The following ANPEP variants were observed in gnomAD, a reference collection of about 807,000 sequenced individuals.
ANPEP encodes the protein aminopeptidase N.
ANPEP carries 70 observed loss-of-function variants against 114.6 expected under a neutral mutation model. The observed-to-expected ratio is 0.61, with a 90% confidence interval of 0.50 to 0.75. ANPEP has a LOEUF of 0.75. Ranked by LOEUF, ANPEP falls within the 30% of genes least tolerant of loss-of-function variation. The pLI is 0.00. For missense variants in ANPEP, 1,184 were observed against 1,259.5 expected (o/e 0.94, Z 0.91); for synonymous variants, 548 against 522.3 (o/e 1.05, Z -0.67).
Position 89,793,206 on chromosome 15 carries a change from G to A in ANPEP, c.2158-80C>T. 3.0e-6 allele frequency: 4 copies of A among 1,312,586 alleles called. No homozygotes were observed. The South Asian group carries it at 4.9e-5, about 16-fold the overall frequency. 81.3% of individuals were successfully genotyped at this position (1,312,586 alleles called of 1,614,324 possible). A position where few individuals can be genotyped will look rare whatever the true frequency, so the allele number is the denominator to read the frequency against. On this transcript the variant is annotated intron_variant, in intron 15 of 20. Coordinates refer to ENST00000300060, the MANE Select transcript of ANPEP (RefSeq NM_001150.3). ...GCCCCACAGAGCCTCTGATGTTGGG[G>A]GGCAGGCGCTGGCAGAGACGTCAGA...
chr15:89,792,449 C>A lies in ANPEP; in HGVS notation c.2360+3G>T. 1 of 1,614,030 alleles carries A rather than the reference C, an allele frequency of 6.2e-7. No homozygotes were observed. The highest frequency in any genetic ancestry group is 8.5e-7 in the Non-Finnish European group (1 of 1,179,932). On this transcript the variant is annotated splice_donor_region_variant and intron_variant, in intron 17 of 20. Transcript: ENST00000300060. ...GCAGAGGAGGCGCAGGGGAGACACTCACGGGTTATTATTGGGGTTCTCCAT... is the reference window on the plus strand; with the variant it reads ...GCAGAGGAGGCGCAGGGGAGACACTAACGGGTTATTATTGGGGTTCTCCAT...
rs1046979527 is a variant in ANPEP, at chr15:89,813,994, G to T, written c.-224+778C>A. 1.8e-4 allele frequency among the ~76,000 whole-genome samples: 26 copies of T among 146,102 alleles called. 2 individuals carry two copies. The highest frequency in any genetic ancestry group is 6.5e-4 in the South Asian group (3 of 4,590). ...CCGTCCCTGCCCACCGCACTGCTGG[G>T]GGGGGGGGGTGCGTTCTGGAGTCAT... On this transcript the variant is annotated intron_variant, in intron 1 of 20. Coordinates refer to ENST00000300060, the MANE Select transcript of ANPEP (RefSeq NM_001150.3).
chr15:89,814,349 G>T (rs1321872719), intron 1 of ANPEP, among the ~76,000 whole-genome samples: 1 of 152,166 alleles, frequency 6.6e-6, no homozygotes, highest in South Asian at 2.1e-4. Flanking sequence ...CCCCACAGGC[G>T]GGCCGGGTTC....
chr15:89,807,921 G>A (rs1023282372), intron 1 of ANPEP, among the ~76,000 whole-genome samples: 6 of 152,054 alleles, frequency 3.9e-5, no homozygotes, highest in African/African-American at 1.2e-4. Context: ...TTCCCCCATC[G>A]CAAGATGCAC....
At chr15:89,791,145 G>A (rs1324261721) in intron 18 of ANPEP, 52 bp from the exon 19 acceptor site, 34 of 1,600,858 alleles carry the variant, frequency 2.1e-5, no homozygotes, top group Non-Finnish European at 2.6e-5. Flanking sequence ...TGACTCAGGA[G>A]AGAACTTGGA....
At chr15:89,792,421 C>G (rs1394549668) in intron 17 of ANPEP, 31 bp downstream of exon 17, 1 of 1,613,442 alleles carries the variant, frequency 6.2e-7, no homozygotes. Flanking sequence ...CAGATGAAGA[C>G]TGGCAGAGGA....
chr15:89,793,266 A>G lies in ANPEP; in HGVS notation c.2158-140T>C, dbSNP rs1053520136. 4 of 660,744 alleles carry G rather than the reference A, an allele frequency of 6.1e-6. No individual in the cohort carries two copies. In the East Asian group the frequency reaches 7.9e-5, roughly 13 times the overall value. The allele number at this position is 660,744 out of a possible 1,614,324, so 40.9% of individuals were successfully genotyped here. ...CTCACCTGAGGCCAAACAGTGCTCA[A>G]AGGGGCCCATAGAAGTCTAGAGTTC... On this transcript the variant is annotated intron_variant, in intron 15 of 20. Coordinates refer to ENST00000300060, the MANE Select transcript of ANPEP (RefSeq NM_001150.3).
Position 89,799,555 on chromosome 15 carries a change from C to T in ANPEP, c.1824G>A (p.Gln608=), listed in dbSNP as rs745851142. The change falls in exon 13 of 21, where the codon CAG becomes CAA. Residue 608 remains glutamine, a synonymous_variant. Coordinates refer to ENST00000300060, the MANE Select transcript of ANPEP (RefSeq NM_001150.3). This position sits in a 1 kb window ranked among gnomAD's most constrained non-coding sequence, Gnocchi z 4.2. ...QDYWLIDVRA[Q]NDLFSTSGNE... Reference sequence around the variant, plus strand: ...TGCCTGATGTGCTGAAGAGATCGTTCTGGGCTGTGGAGAGGGACGAGACCT... The same window carrying T: ...TGCCTGATGTGCTGAAGAGATCGTTTTGGGCTGTGGAGAGGGACGAGACCT... The T allele has an allele frequency of 4.9e-5, 79 of 1,614,080 alleles. No homozygotes were observed. Among genetic ancestry groups the T allele is most frequent in the Non-Finnish European group, 6.7e-5 (79 of 1,180,048 alleles).
chr15:89,805,514 G>A (rs1419856975), intron 2 of ANPEP, 51 bp from the exon 3 acceptor site: 1 of 1,604,298 alleles, frequency 6.2e-7, no homozygotes, highest in Non-Finnish European at 8.5e-7. Flanking sequence ...GGTGTGGGAG[G>A]GGCTCTGAGG....
At chr15:89,807,314 T>C (rs1314587337) in intron 1 of ANPEP, among the ~76,000 whole-genome samples, 1 of 152,202 alleles carries the variant, frequency 6.6e-6, no homozygotes, top group East Asian at 1.9e-4. Flanking sequence ...TCTGAACCTC[T>C]CTCCTCATAA....
chr15:89,792,012 A>G (rs28569158), intron 18 of ANPEP, 148 bp downstream of exon 18: 331,759 of 926,292 alleles, frequency 0.36, 61,573 homozygotes, highest in African/African-American at 0.42. Flanking sequence ...TAAAGCTTCC[A>G]GTCTGCACCG....
At chr15:89,805,033 GC>G in intron 4 of ANPEP, 44 bp downstream of exon 4, 1 of 1,612,174 alleles carries the variant, frequency 6.2e-7, no homozygotes, top group Admixed American at 1.7e-5. Flanking sequence ...GACCCCTCAA[GC>G]CGGGGCCAGC....
In ANPEP at chr15:89,804,349, G is replaced by A. The variant is rs758340434; in HGVS notation, c.1083C>T (p.Thr361=). 1.7e-5 allele frequency: 28 copies of A among 1,614,092 alleles called. No individual in the cohort carries two copies. The highest frequency in any genetic ancestry group is 1.9e-5 in the Non-Finnish European group (23 of 1,180,032). The change falls in exon 6 of 21, where the codon ACC becomes ACT. Residue 361 remains threonine, a synonymous_variant. Transcript: ENST00000300060. ...AGAMENWGLV[T]YRENSLLFDP... Reference sequence around the variant, plus strand: ...CGAACAGCAGGGAGTTCTCCCGGTAGGTCACCAGTCCCCAGTTCTCCATGG... The same window carrying A: ...CGAACAGCAGGGAGTTCTCCCGGTAAGTCACCAGTCCCCAGTTCTCCATGG...
chr15:89,789,555 T>G (rs1388616378), intron 20 of ANPEP, among the ~76,000 whole-genome samples: 1 of 150,618 alleles, frequency 6.6e-6, no homozygotes, highest in East Asian at 2.0e-4. Context: ...GGTGGATCAC[T>G]TGAGGTCAGG....
At chr15:89,801,870 G>A (rs963166743) in intron 10 of ANPEP, among the ~76,000 whole-genome samples, 1 of 152,242 alleles carries the variant, frequency 6.6e-6, no homozygotes, top group Non-Finnish European at 1.5e-5. Context: ...GTGTATGTCA[G>A]GGAGGGGGTG....
chr15:89,799,432 G>T lies in ANPEP; in HGVS notation c.1947C>A (p.Asp649Glu). Residue 649 changes from aspartate to glutamate, a missense_variant, in exon 13 of 21, where the codon GAC becomes GAA. By Grantham distance (45) the Asp-to-Glu change is conservative. Coordinates refer to ENST00000300060, the MANE Select transcript of ANPEP (RefSeq NM_001150.3). The surrounding 1 kb of genome is among the most constrained non-coding windows in gnomAD (Gnocchi z 4.2). Reference protein sequence around the residue: ...WRKIQTQLQRDHSAIPVINRA... With the variant: ...WRKIQTQLQREHSAIPVINRA... ...AGGGGTGGCAGACACTCACCGAGTGGTCTCTCTGCAGCTGAGTCTGAATCT... is the reference window on the plus strand; with the variant it reads ...AGGGGTGGCAGACACTCACCGAGTGTTCTCTCTGCAGCTGAGTCTGAATCT... The T allele has an allele frequency of 6.2e-7, 1 of 1,614,192 alleles. No homozygotes were observed.
rs1894583602 is a variant in ANPEP, at chr15:89,801,281, G to T, written c.1743-94C>A. The T allele has an allele frequency of 1.8e-5, 28 of 1,551,196 alleles. 1 individual carries two copies. Among genetic ancestry groups the T allele is most frequent in the South Asian group, 1.6e-4 (14 of 88,764 alleles). On this transcript the variant is annotated intron_variant, in intron 11 of 20. Transcript: ENST00000300060. The stretch of plus-strand genomic sequence containing the variant: ...AGGCTCCCAGCTTCTGCCCAGCTCT[G>T]GCACCGAGTGCCCCTGAACTCCTGG...
At chr15:89,810,401 T>A (rs1395032356) in intron 1 of ANPEP, among the ~76,000 whole-genome samples, 2 of 150,936 alleles carry the variant, frequency 1.3e-5, no homozygotes, top group Non-Finnish European at 2.9e-5. Flanking sequence ...AATAAATAAA[T>A]AAATAAATAA....
chr15:89,810,381 A>T (rs1302530738), intron 1 of ANPEP, among the ~76,000 whole-genome samples: 1 of 148,340 alleles, frequency 6.7e-6, no homozygotes, highest in Non-Finnish European at 1.5e-5. Context: ...TCTGTCTCAA[A>T]AAATAAATAA....
Sources: gnomAD v4.1 joint callset for allele counts (sites outside exome capture counted in the v4.1 genomes callset) on GRCh38, gnomAD v4.1.1 for gene constraint, Gnocchi (gnomAD v3.1) non-coding constraint, MANE v1.5 for transcripts, NCBI Gene and HGNC (gene_info 2026-07-23, HGNC 2026-07-21) for gene names.